The following DNAH9 variants were observed in gnomAD, a reference collection of about 807,000 sequenced individuals.
The protein encoded by DNAH9 is DNAH9 variant protein.
Under a neutral mutation model 471.6 loss-of-function variants are expected in DNAH9, and 345 were observed. That is an observed-to-expected ratio of 0.73 (90% CI 0.67 to 0.80). The LOEUF is 0.80. DNAH9 is among the 30% of genes least tolerant of loss of function. The pLI is 0.00. For synonymous variants in DNAH9, 2,093 were observed against 2,123.6 expected (o/e 0.99, Z 0.40); for missense variants, 5,407 against 5,609.2 (o/e 0.96, Z 1.15).
Position 11,891,902 on chromosome 17 carries a change from C to T in DNAH9, c.11238C>T (p.Leu3746=), listed in dbSNP as rs1973063497. Residue 3746 remains leucine (L), a synonymous_variant, in exon 58 of 69, where the codon CTC becomes CTT. Transcript: ENST00000262442. The part of the protein sequence containing the change: ...FSVYQYTIRG[L]FECDKLTYLA... ...TGTACCAGTACACCATCCGCGGGCTCTTTGAGTGTGATAAGCTGACCTACC... is the reference window on the plus strand; with the variant it reads ...TGTACCAGTACACCATCCGCGGGCTTTTTGAGTGTGATAAGCTGACCTACC... 4 of 1,614,098 alleles carry T rather than the reference C, an allele frequency of 2.5e-6. No homozygotes were observed. The highest frequency in any genetic ancestry group is 3.4e-6 in the Non-Finnish European group (4 of 1,179,990).
Position 11,746,982 on chromosome 17 carries a change from G to A in DNAH9, c.6400-574G>A, listed in dbSNP as rs762980404. The stretch of plus-strand genomic sequence containing the variant: ...GAAAAAAAATCCTGAAATGACAGCC[G>A]TTAGCAGGCCTAGAAAGCAATCAAT... On this transcript the variant is annotated intron_variant, in intron 31 of 68. Coordinates refer to ENST00000262442, the MANE Select transcript of DNAH9 (RefSeq NM_001372.4). 3.3e-4 allele frequency among the ~76,000 whole-genome samples: 51 copies of A among 152,248 alleles called. 1 individual carries two copies. The highest frequency in any genetic ancestry group is 1.3e-3 in the East Asian group (7 of 5,186).
At chr17:11,780,426 C>T (rs1470240681) in intron 38 of DNAH9, among the ~76,000 whole-genome samples, 1 of 152,202 alleles carries the variant, frequency 6.6e-6, no homozygotes, top group Non-Finnish European at 1.5e-5. Flanking sequence ...CTACCCAGCC[C>T]TGGAAGGGGA....
At chr17:11,857,076 T>G (rs1001300735) in intron 50 of DNAH9, among the ~76,000 whole-genome samples, 4 of 152,168 alleles carry the variant, frequency 2.6e-5, no homozygotes, top group Non-Finnish European at 5.9e-5. Context: ...TTTATATTTT[T>G]CAGTCTCTTC....
chr17:11,941,363 G>C (rs1974901773), intron 66 of DNAH9, among the ~76,000 whole-genome samples: 1 of 152,106 alleles, frequency 6.6e-6, no homozygotes, highest in Admixed American at 6.6e-5. Context: ...CCAACCTGCT[G>C]GCTGTGTGGT....
intron 26 of DNAH9, among the ~76,000 whole-genome samples, chr17:11,717,005 A>T (rs1039654488): frequency 6.6e-6 from 1 of 152,236 alleles, no homozygotes; most frequent in African/African-American, 2.4e-5. Context: ...GAGGCCACGC[A>T]TAGGGCTCCA....
At chr17:11,925,215 G>A (rs1016027703) in intron 62 of DNAH9, 6 of 454,918 alleles carry the variant, frequency 1.3e-5, no homozygotes, top group African/African-American at 1.2e-4. Flanking sequence ...CTTGAACATA[G>A]CAGACACTGA....
At chr17:11,852,750 G>C (rs977052681) in intron 49 of DNAH9, among the ~76,000 whole-genome samples, 1 of 146,450 alleles carries the variant, frequency 6.8e-6, no homozygotes, top group Admixed American at 7.0e-5. Context: ...AAAGAGAAGT[G>C]CATAGAAGTG....
intron 39 of DNAH9, 89 bp from the exon 40 acceptor site, chr17:11,783,557 C>G: frequency 1.1e-6 from 1 of 905,564 alleles, no homozygotes; most frequent in Admixed American, 2.1e-5. Context: ...AACACATGAA[C>G]AGTAGGGCAC....
At chr17:11,853,423 A>G (rs1423404269) in intron 49 of DNAH9, among the ~76,000 whole-genome samples, 2 of 152,182 alleles carry the variant, frequency 1.3e-5, no homozygotes, top group Non-Finnish European at 2.9e-5. Context: ...TCTTTCTGGA[A>G]CAAGCAAAAC....
At chr17:11,778,048 G>C (rs777837596) in intron 38 of DNAH9, among the ~76,000 whole-genome samples, 1 of 152,016 alleles carries the variant, frequency 6.6e-6, no homozygotes, top group Non-Finnish European at 1.5e-5. Flanking sequence ...ACTTTAGGGC[G>C]CGTACCAGGG....
intron 58 of DNAH9, among the ~76,000 whole-genome samples, chr17:11,893,176 T>C (rs1329734943): frequency 5.3e-5 from 1 of 18,990 alleles, no homozygotes; most frequent in Admixed American, 1.0e-3. Context: ...GCTTGGCCTT[T>C]GCAAAAAAAA....
At chr17:11,670,686 C>A (rs1388155293) in intron 17 of DNAH9, among the ~76,000 whole-genome samples, 1 of 150,826 alleles carries the variant, frequency 6.6e-6, no homozygotes, top group South Asian at 2.1e-4. Context: ...CCTAGGAAAC[C>A]CCAAGAACGC....
At chr17:11,843,861 GTGTATATATA>G (rs1215352591) in intron 49 of DNAH9, among the ~76,000 whole-genome samples, 2 of 54,188 alleles carry the variant, frequency 3.7e-5, no homozygotes, top group African/African-American at 7.6e-5. Context: ...GTGTGTGTGT[GTGTATATATA>G]TATATATATA....
intron 48 of DNAH9, among the ~76,000 whole-genome samples, chr17:11,824,898 T>C (rs564551088): frequency 2.0e-5 from 3 of 149,190 alleles, no homozygotes; most frequent in Non-Finnish European, 4.4e-5. Context: ...TCCTCCTCCT[T>C]CTCCTCTTCC....
intron 43 of DNAH9, among the ~76,000 whole-genome samples, chr17:11,800,145 T>A (rs1246848955): frequency 1.3e-5 from 2 of 152,204 alleles, no homozygotes; most frequent in East Asian, 3.9e-4. Flanking sequence ...CTTATTTCAC[T>A]GGGATAATGA....
At chr17:11,706,390 G>A (rs939440245) in intron 26 of DNAH9, among the ~76,000 whole-genome samples, 2 of 152,056 alleles carry the variant, frequency 1.3e-5, no homozygotes, top group Non-Finnish European at 2.9e-5. Flanking sequence ...ATACTAAGAT[G>A]ACTAAAACAT....
intron 43 of DNAH9, among the ~76,000 whole-genome samples, chr17:11,802,493 A>G (rs1009109873): frequency 1.3e-5 from 2 of 152,048 alleles, no homozygotes; most frequent in Non-Finnish European, 2.9e-5. Context: ...TTAGCCAGGC[A>G]TGGTGGCAGA....
intron 26 of DNAH9, among the ~76,000 whole-genome samples, chr17:11,710,979 T>C (rs1349239448): frequency 1.3e-5 from 2 of 152,226 alleles, no homozygotes; most frequent in African/African-American, 4.8e-5. Flanking sequence ...AACTCTCTCA[T>C]ATATCATGAC....
intron 42 of DNAH9, among the ~76,000 whole-genome samples, chr17:11,797,349 C>T (rs1969281164): frequency 6.6e-6 from 1 of 152,170 alleles, no homozygotes; most frequent in African/African-American, 2.4e-5. Context: ...TGTGAGGAGG[C>T]CCCATCCCAC....
Sources: allele counts gnomAD v4.1 joint callset (sites outside exome capture counted in the v4.1 genomes callset), GRCh38; gene constraint gnomAD v4.1.1; transcripts MANE v1.5; gene names NCBI Gene and HGNC (gene_info 2026-07-23, HGNC 2026-07-21).